The following PFKP variants were observed in gnomAD, a reference collection of about 807,000 sequenced individuals.
PFKP encodes the protein phosphofructokinase, platelet.
In PFKP, 101 loss-of-function variants were observed where a neutral mutation model predicts 94.3. That is an observed-to-expected ratio of 1.07 (90% CI 0.91 to 1.26). PFKP has a LOEUF of 1.26. Ranked by LOEUF, PFKP falls within the 50% of genes most tolerant of loss-of-function variation. The pLI, the probability that PFKP is intolerant of heterozygous loss-of-function variation, is 0.00. For synonymous variants in PFKP, 573 were observed against 432.6 expected (o/e 1.32, Z -4.03); for missense variants, 1,145 against 1,103.3 (o/e 1.04, Z -0.53).
At chr10:3,130,624 G>C (rs1838467881) in intron 17 of PFKP, among the ~76,000 whole-genome samples, 1 of 152,116 alleles carries the variant, frequency 6.6e-6, no homozygotes, top group Non-Finnish European at 1.5e-5. Context: ...CAGTGGCGTG[G>C]TCTCGGCTTA....
intron 13 of PFKP, among the ~76,000 whole-genome samples, chr10:3,116,413 G>T (rs1396530352): frequency 6.6e-6 from 1 of 152,144 alleles, no homozygotes; most frequent in Non-Finnish European, 1.5e-5. Flanking sequence ...TCCCTAGTTT[G>T]TAAGAAAAGA....
At chr10:3,087,298 TTCTC>T (rs945952326) in intron 2 of PFKP, among the ~76,000 whole-genome samples, 5 of 152,138 alleles carry the variant, frequency 3.3e-5, no homozygotes, top group African/African-American at 4.8e-5. Context: ...AACCCATATG[TTCTC>T]TCTGTCTCAG....
Position 3,135,715 on chromosome 10 carries a change from CTTT to C in PFKP, c.2123-17_2123-15del. ...CCCATGTTGACAGGGTGTTATTAAT[CTTT>C]TTTAAAATCTTTTATAGGAAAAAAA... is the stretch of plus-strand genomic sequence containing the variant. On this transcript the variant is annotated intron_variant, in intron 20 of 21. Coordinates refer to ENST00000381125, the MANE Select transcript of PFKP (RefSeq NM_002627.5). 3 of 1,497,194 alleles carry C rather than the reference CTTT, an allele frequency of 2.0e-6. No homozygotes were observed. The highest frequency in any genetic ancestry group is 1.9e-6 in the Non-Finnish European group (2 of 1,076,460). The allele number at this position is 1,497,194 out of a possible 1,614,324, so 92.7% of individuals were successfully genotyped here. A position where few individuals can be genotyped will look rare whatever the true frequency, so the allele number is the denominator to read the frequency against.
intron 3 of PFKP, among the ~76,000 whole-genome samples, chr10:3,099,728 C>T (rs1834794883): frequency 6.6e-6 from 1 of 152,138 alleles, no homozygotes; most frequent in African/African-American, 2.4e-5. Flanking sequence ...TGCAAAACAT[C>T]AGGAGAGTGT....
chr10:3,113,186 AAGGT>A lies in PFKP; in HGVS notation c.1224+3_1224+6del. The stretch of plus-strand genomic sequence containing the variant: ...CAAGCTGCCGGATGATCAGATCCCA[AAGGT>A]AGGTGGCCGGCCTCCCGCGATGCCC... On this transcript the variant is annotated splice_donor_variant and coding_sequence_variant, in exon 12 of 22. Transcript: ENST00000381125. LOFTEE classifies it high-confidence loss of function. The A allele has an allele frequency of 6.2e-7, 1 of 1,611,734 alleles. No individual in the cohort carries two copies. Among genetic ancestry groups the A allele is most frequent in the Non-Finnish European group, 8.5e-7 (1 of 1,178,992 alleles).
Position 3,098,401 on chromosome 10 carries a change from C to T in PFKP, c.187-874C>T, listed in dbSNP as rs534145823. Among the ~76,000 whole-genome samples the T allele has an allele frequency of 1.8e-4, 27 of 152,058 alleles. 1 individual carries two copies. Among genetic ancestry groups the T allele is most frequent in the African/African-American group, 6.3e-4 (26 of 41,430 alleles). On this transcript the variant is annotated intron_variant, in intron 2 of 21. Transcript: ENST00000381125. ...CATTGAAAGGTAATTGTTGGCCAGG[C>T]GCGGTGGCTCACGCCTGTAATTCCA...
chr10:3,099,854 GTGTGGTGTA>G (rs1834807935), intron 3 of PFKP, among the ~76,000 whole-genome samples: 1 of 152,030 alleles, frequency 6.6e-6, no homozygotes, highest in South Asian at 2.1e-4. Context: ...GTGTTTCTGT[GTGTGGTGTA>G]TGTGGTGTGT....
intron 16 of PFKP, among the ~76,000 whole-genome samples, chr10:3,127,157 C>A (rs986356724): frequency 6.6e-6 from 1 of 152,246 alleles, no homozygotes; most frequent in Non-Finnish European, 1.5e-5. Flanking sequence ...CTTCAGATGC[C>A]ATCTAGGTAA....
chr10:3,087,950 C>T (rs574160332), intron 2 of PFKP, among the ~76,000 whole-genome samples: 1 of 142,206 alleles, frequency 7.0e-6, no homozygotes, highest in East Asian at 2.0e-4. Context: ...CATCATTTTG[C>T]TGTTACAGAT....
chr10:3,101,881 G>T (rs1006743099), intron 4 of PFKP, among the ~76,000 whole-genome samples: 2 of 152,168 alleles, frequency 1.3e-5, no homozygotes, highest in African/African-American at 4.8e-5. Context: ...GGCGAGCCGG[G>T]TCCCCAGCAG....
intron 1 of PFKP, among the ~76,000 whole-genome samples, chr10:3,070,958 G>A (rs1000189029): frequency 2.6e-5 from 4 of 151,954 alleles, no homozygotes; most frequent in Admixed American, 1.3e-4. Context: ...ATGCTGCCGA[G>A]ACTGGCCTTG....
chr10:3,069,171 A>C, intron 1 of PFKP: 3 of 1,142,034 alleles, frequency 2.6e-6, no homozygotes, highest in African/African-American at 1.6e-5. Context: ...CCCGGGTGGC[A>C]GCGCCAGGCC....
intron 16 of PFKP, chr10:3,129,509 T>C: frequency 8.2e-6 from 3 of 366,548 alleles, no homozygotes; most frequent in Non-Finnish European, 1.0e-5. Context: ...GTGAGCTGGC[T>C]TGTGGGGTCG....
At chr10:3,074,856 G>C (rs143298456) in intron 1 of PFKP, among the ~76,000 whole-genome samples, 1 of 152,122 alleles carries the variant, frequency 6.6e-6, no homozygotes. Context: ...GTAACCCAGC[G>C]GCGCTAGAGG....
At chr10:3,096,485 C>T (rs1375276933) in intron 2 of PFKP, among the ~76,000 whole-genome samples, 1 of 152,192 alleles carries the variant, frequency 6.6e-6, no homozygotes, top group African/African-American at 2.4e-5. Flanking sequence ...GGCCGCTCTA[C>T]ATCCCAGTCC....
intron 16 of PFKP, among the ~76,000 whole-genome samples, chr10:3,123,923 G>C (rs1837667207): frequency 6.6e-6 from 1 of 152,036 alleles, no homozygotes; most frequent in Non-Finnish European, 1.5e-5. Flanking sequence ...GGGGTGCGGG[G>C]GACCCTGCTC....
chr10:3,100,457 G>C (rs1037198003), intron 3 of PFKP, among the ~76,000 whole-genome samples: 3 of 152,148 alleles, frequency 2.0e-5, no homozygotes, highest in African/African-American at 7.2e-5. Context: ...GCTTTTCTGG[G>C]ATTTGGAATA....
At chr10:3,131,061 G>GT (rs5782687) in intron 17 of PFKP, among the ~76,000 whole-genome samples, 1 of 151,708 alleles carries the variant, frequency 6.6e-6, no homozygotes, top group African/African-American at 2.4e-5. Context: ...AACAGGTGCA[G>GT]TTTTTTATCT....
intron 14 of PFKP, among the ~76,000 whole-genome samples, chr10:3,117,959 G>A (rs1266997646): frequency 2.0e-5 from 3 of 152,138 alleles, no homozygotes; most frequent in South Asian, 4.1e-4. Flanking sequence ...TCTACCAAGA[G>A]TACAAGTACT....
Sources: allele counts gnomAD v4.1 joint callset (sites outside exome capture counted in the v4.1 genomes callset), GRCh38; gene constraint gnomAD v4.1.1; transcripts MANE v1.5; gene names NCBI Gene and HGNC (gene_info 2026-07-23, HGNC 2026-07-21).